Variants in ST3GAL3 observed in about 807,000 individuals in gnomAD.
ST3GAL3 encodes ST3 beta-galactoside alpha-2,3-sialyltransferase 3.
In ST3GAL3, 21 loss-of-function variants were observed where a neutral mutation model predicts 50.1. That is an observed-to-expected ratio of 0.42 (90% CI 0.30 to 0.60). The LOEUF (loss-of-function observed/expected upper bound fraction) is 0.60, where lower values mean the gene tolerates loss of function less well. Among genes scored for constraint, ST3GAL3 ranks in the 20% least tolerant of loss-of-function variants. ST3GAL3 has a pLI of 0.19. For missense variants in ST3GAL3, 353 were observed against 489.4 expected, an observed-to-expected ratio of 0.72 and a Z score of 2.63; for synonymous variants, 183 against 190.0, an observed-to-expected ratio of 0.96 and a Z score of 0.30.
chr1:43,803,295 T>C (rs1215632832), intron 3 of ST3GAL3, among the ~76,000 whole-genome samples: 2 of 151,860 alleles, frequency 1.3e-5, no homozygotes, highest in African/African-American at 4.8e-5. Flanking sequence ...AGAGTCCCAG[T>C]TACTCGGGCT....
rs112525236 is a variant in ST3GAL3, at chr1:43,741,115, C to G, written c.118+4735C>G. ...GCTGAAGTGGAAGGATTGCTTGAGC[C>G]CAGGAGTTCAAGACCAGCCTAGGCA... On this transcript the variant is annotated intron_variant, in intron 2 of 11. Coordinates refer to ENST00000347631, the MANE Select transcript of ST3GAL3 (RefSeq NM_006279.5). Among the ~76,000 whole-genome samples the G allele has an allele frequency of 5.3e-3, 806 of 152,058 alleles. 16 individuals are homozygous for G. Among genetic ancestry groups the G allele is most frequent in the African/African-American group, 0.018 (749 of 41,454 alleles).
At position 43,811,445 on chromosome 1, in the gene ST3GAL3, G is replaced by T. The variant is rs552403298; in HGVS notation, c.167-3446G>T. On this transcript the variant is annotated intron_variant, in intron 3 of 11. Coordinates refer to ENST00000347631, the MANE Select transcript of ST3GAL3 (RefSeq NM_006279.5). ...TTTCCATTTTAGGGGCCTCTTCTCTGCGGTTCCCCCAGTATGGGTAATGCC... is the reference window on the plus strand; with the variant it reads ...TTTCCATTTTAGGGGCCTCTTCTCTTCGGTTCCCCCAGTATGGGTAATGCC... Among the ~76,000 whole-genome samples the T allele has an allele frequency of 3.3e-5, 5 of 152,228 alleles. No homozygotes were observed. In the East Asian group the frequency reaches 9.7e-4, roughly 29 times the overall value.
At chr1:43,889,232 A>ACACG in intron 5 of ST3GAL3, among the ~76,000 whole-genome samples, 1 of 150,636 alleles carries the variant, frequency 6.6e-6, no homozygotes, top group African/African-American at 2.4e-5. Flanking sequence ...ACACACACAC[A>ACACG]CGTTTCATTT....
chr1:43,843,476 A>G (rs1309566009), intron 5 of ST3GAL3, among the ~76,000 whole-genome samples: 1 of 152,102 alleles, frequency 6.6e-6, no homozygotes, highest in African/African-American at 2.4e-5. Context: ...TTCTTTTTAC[A>G]CATTGCTCTA....
At chr1:43,740,271 G>A (rs1325547940) in intron 2 of ST3GAL3, among the ~76,000 whole-genome samples, 2 of 151,136 alleles carry the variant, frequency 1.3e-5, no homozygotes, top group African/African-American at 4.9e-5. Context: ...GCTGAGGCAG[G>A]AGAACCGCTT....
At chr1:43,748,597 A>T (rs558554850) in intron 2 of ST3GAL3, among the ~76,000 whole-genome samples, 53 of 151,958 alleles carry the variant, frequency 3.5e-4, no homozygotes, top group Non-Finnish European at 5.4e-4. Context: ...TTAAAAAAAA[A>T]ATTTTTATAA....
intron 3 of ST3GAL3, among the ~76,000 whole-genome samples, chr1:43,794,252 A>T (rs2058435109): frequency 6.6e-6 from 1 of 152,244 alleles, no homozygotes; most frequent in Non-Finnish European, 1.5e-5. Context: ...AATGAGCAAG[A>T]CTTGAACAGG....
In ST3GAL3 at chr1:43,813,911, A is replaced by G. The variant is rs71518474; in HGVS notation, c.167-980A>G. On this transcript the variant is annotated intron_variant, in intron 3 of 11. Coordinates refer to ENST00000347631, the MANE Select transcript of ST3GAL3 (RefSeq NM_006279.5). ...CACACACACGCACACACGCACACAC[A>G]CACACACACACACACACACACACTG... Among the ~76,000 whole-genome samples the G allele has an allele frequency of 3.2e-3, 410 of 127,266 alleles. 2 individuals are homozygous for G. The highest frequency in any genetic ancestry group is 0.011 in the African/African-American group (375 of 33,230). The allele number at this position is 127,266 out of a possible 152,430, so 83.5% of individuals were successfully genotyped here.
intron 5 of ST3GAL3, among the ~76,000 whole-genome samples, chr1:43,863,519 G>A (rs2070536533): frequency 6.6e-6 from 1 of 152,190 alleles, no homozygotes; most frequent in African/African-American, 2.4e-5. Flanking sequence ...TCAAACAAAA[G>A]GCTGTTGATG....
At chr1:43,927,688 A>G (rs2154299451) in intron 11 of ST3GAL3, among the ~76,000 whole-genome samples, 1 of 152,272 alleles carries the variant, frequency 6.6e-6, no homozygotes, top group Non-Finnish European at 1.5e-5. Context: ...AACAGTCCCT[A>G]CCCTCAAAGA....
chr1:43,809,598 G>A (rs549562483), intron 3 of ST3GAL3, among the ~76,000 whole-genome samples: 1 of 152,280 alleles, frequency 6.6e-6, no homozygotes, highest in Non-Finnish European at 1.5e-5. Context: ...TCAGGAGGCT[G>A]AGGCAGGAAG....
At chr1:43,775,525 A>T (rs757253482) in intron 2 of ST3GAL3, among the ~76,000 whole-genome samples, 13 of 151,946 alleles carry the variant, frequency 8.6e-5, no homozygotes, top group Non-Finnish European at 1.3e-4. Context: ...GAGCCACCGC[A>T]CTCAGCCGGA....
chr1:43,895,688 AAC>A (rs1570885910), intron 6 of ST3GAL3, among the ~76,000 whole-genome samples: 2 of 152,170 alleles, frequency 1.3e-5, no homozygotes, highest in Admixed American at 1.3e-4. Flanking sequence ...GGCAAGGAAA[AAC>A]ACTGTTGAAC....
At chr1:43,827,642 A>G (rs1402780126) in intron 4 of ST3GAL3, among the ~76,000 whole-genome samples, 1 of 152,020 alleles carries the variant, frequency 6.6e-6, no homozygotes, top group Admixed American at 6.5e-5. Context: ...AGCTGGGACT[A>G]CAGGCGTGCG....
chr1:43,921,769 A>G (rs1447621635), intron 11 of ST3GAL3: 2 of 398,774 alleles, frequency 5.0e-6, no homozygotes, highest in Admixed American at 4.4e-5. Context: ...TCCAGTGAAG[A>G]AACTGAAGCC....
At chr1:43,894,532 G>C in intron 6 of ST3GAL3, 55 bp downstream of exon 6, 1 of 1,520,458 alleles carries the variant, frequency 6.6e-7, no homozygotes, top group East Asian at 2.3e-5. Flanking sequence ...CTGTCTCCCT[G>C]TCCTTCAGAC....
chr1:43,739,878 C>T (rs1680080233), intron 2 of ST3GAL3, among the ~76,000 whole-genome samples: 1 of 151,926 alleles, frequency 6.6e-6, no homozygotes, highest in Non-Finnish European at 1.5e-5. Context: ...TGAAAAGCTT[C>T]AAGTATGAAA....
intron 4 of ST3GAL3, among the ~76,000 whole-genome samples, chr1:43,817,402 C>T (rs573861072): frequency 2.4e-5 from 1 of 41,838 alleles, no homozygotes; most frequent in East Asian, 6.9e-4. Flanking sequence ...CCTCCTTTTT[C>T]TCCTTCTTCT....
At chr1:43,815,101 G>A (rs1013962480) in intron 4 of ST3GAL3, 168 bp downstream of exon 4, 71 of 739,246 alleles carry the variant, frequency 9.6e-5, no homozygotes, top group African/African-American at 8.3e-4. Flanking sequence ...AGTCTGCAGC[G>A]GCCAGAGAGG....
Sources: gnomAD v4.1 joint callset for allele counts (sites outside exome capture counted in the v4.1 genomes callset) on GRCh38, gnomAD v4.1.1 for gene constraint, MANE v1.5 for transcripts, NCBI Gene and HGNC (gene_info 2026-07-23, HGNC 2026-07-21) for gene names.